Variants in HTR1F observed in about 807,000 individuals in gnomAD.
HTR1F encodes the protein 5-hydroxytryptamine receptor 1F.
Under a neutral mutation model 24.0 loss-of-function variants are expected in HTR1F, and 17 were observed. That is an observed-to-expected ratio of 0.71 (90% CI 0.48 to 1.06). HTR1F has a LOEUF of 1.06. Among genes scored for constraint, HTR1F ranks in the 50% least tolerant of loss-of-function variants. The pLI is 0.00. For synonymous variants in HTR1F, 186 were observed against 156.8 expected (o/e 1.19, Z -1.39); for missense variants, 391 against 427.8 (o/e 0.91, Z 0.76).
chr3:87,856,533 C>G (rs889436096), intron 2 of HTR1F, among the ~76,000 whole-genome samples: 18 of 152,046 alleles, frequency 1.2e-4, no homozygotes, highest in African/African-American at 4.3e-4. Flanking sequence ...ATAGCTTATA[C>G]TTACTTGTCT....
intron 2 of HTR1F, among the ~76,000 whole-genome samples, chr3:87,848,950 A>G (rs1705012798): frequency 6.6e-6 from 1 of 151,586 alleles, no homozygotes; most frequent in Non-Finnish European, 1.5e-5. Context: ...GCTCAATGAA[A>G]TAAAAGAGGA....
At chr3:87,980,171 G>T (rs1705510553) in intron 2 of HTR1F, among the ~76,000 whole-genome samples, 1 of 152,214 alleles carries the variant, frequency 6.6e-6, no homozygotes, top group Non-Finnish European at 1.5e-5. Flanking sequence ...GACAACTGGA[G>T]AGTGAACAAG....
chr3:87,920,903 TCTAA>T lies in HTR1F; in HGVS notation c.-42-69800_-42-69797del, dbSNP rs578003950. 2.1e-3 allele frequency among the ~76,000 whole-genome samples: 321 copies of T among 152,144 alleles called. 1 individual carries two copies. In the South Asian group the frequency reaches 0.03, roughly 14 times the overall value. ...AAGTTTTTTTAAAAAATATACTTTTTCTAACTAAGATGATACTATGTCCTCTTGC... is the reference window on the plus strand; with the variant it reads ...AAGTTTTTTTAAAAAATATACTTTTTCTAAGATGATACTATGTCCTCTTGC... On this transcript the variant is annotated intron_variant, in intron 2 of 2. Coordinates refer to ENST00000319595, the MANE Select transcript of HTR1F (RefSeq NM_001322209.2).
At chr3:87,872,887 T>G (rs769336116) in intron 2 of HTR1F, among the ~76,000 whole-genome samples, 5 of 151,984 alleles carry the variant, frequency 3.3e-5, no homozygotes, top group African/African-American at 1.2e-4. Context: ...CACCAATCCT[T>G]CTCTAACTCT....
At chr3:87,945,270 C>A (rs1299477168) in intron 2 of HTR1F, among the ~76,000 whole-genome samples, 4 of 152,084 alleles carry the variant, frequency 2.6e-5, no homozygotes, top group Non-Finnish European at 5.9e-5. Context: ...GGATAAGACT[C>A]CCTGGGTTTA....
intron 2 of HTR1F, among the ~76,000 whole-genome samples, chr3:87,983,671 GCC>G (rs1705600332): frequency 6.6e-6 from 1 of 151,974 alleles, no homozygotes; most frequent in Non-Finnish European, 1.5e-5. Flanking sequence ...TTTTCCCTTG[GCC>G]TCTGACCCCA....
chr3:87,818,790 T>G (rs1021152088), intron 1 of HTR1F, among the ~76,000 whole-genome samples: 1 of 152,178 alleles, frequency 6.6e-6, no homozygotes, highest in African/African-American at 2.4e-5. Flanking sequence ...GGCAAGTGCT[T>G]CTTTAACTTT....
intron 1 of HTR1F, among the ~76,000 whole-genome samples, chr3:87,795,456 C>T (rs961283985): frequency 2.6e-5 from 4 of 152,128 alleles, no homozygotes; most frequent in South Asian, 2.1e-4. Flanking sequence ...ATGGACATAG[C>T]GATATTTGCA....
intron 2 of HTR1F, among the ~76,000 whole-genome samples, chr3:87,987,305 T>C (rs1254478440): frequency 6.6e-6 from 1 of 151,998 alleles, no homozygotes; most frequent in Non-Finnish European, 1.5e-5. Context: ...ATACATCTTG[T>C]TGGTTTTGAA....
chr3:87,984,807 T>G (rs1160586454), intron 2 of HTR1F, among the ~76,000 whole-genome samples: 2 of 151,888 alleles, frequency 1.3e-5, no homozygotes, highest in East Asian at 3.9e-4. Flanking sequence ...AAAATAACAC[T>G]CACTAAAAAA....
chr3:87,831,803 G>A (rs901123181), intron 2 of HTR1F, among the ~76,000 whole-genome samples: 7 of 152,120 alleles, frequency 4.6e-5, no homozygotes, highest in Admixed American at 6.6e-5. Context: ...CAGCCTTGCC[G>A]TCTGATTGGT....
At chr3:87,981,385 G>A (rs1705539936) in intron 2 of HTR1F, among the ~76,000 whole-genome samples, 1 of 152,126 alleles carries the variant, frequency 6.6e-6, no homozygotes, top group East Asian at 1.9e-4. Context: ...AGTAAAGACA[G>A]GGTTTCACCG....
intron 1 of HTR1F, chr3:87,793,197 C>T (rs1279182061): frequency 1.3e-5 from 2 of 152,418 alleles, no homozygotes; most frequent in Admixed American, 6.5e-5. Context: ...AGGGCGCAGG[C>T]TCCTGGCGCT....
chr3:87,945,016 GGTT>G (rs1704661205), intron 2 of HTR1F, among the ~76,000 whole-genome samples: 1 of 147,870 alleles, frequency 6.8e-6, no homozygotes, highest in Admixed American at 6.7e-5. Flanking sequence ...AGGGCACACT[GGTT>G]GTTTTGTTTT....
chr3:87,988,432 A>G (rs1363060519), intron 2 of HTR1F, among the ~76,000 whole-genome samples: 1 of 152,224 alleles, frequency 6.6e-6, no homozygotes, highest in African/African-American at 2.4e-5. Context: ...GCTTAACAGC[A>G]CTTGCCTTCA....
chr3:87,834,848 C>G (rs753203580), intron 2 of HTR1F, among the ~76,000 whole-genome samples: 1 of 152,118 alleles, frequency 6.6e-6, no homozygotes, highest in Non-Finnish European at 1.5e-5. Flanking sequence ...CAGCCATGCT[C>G]ATTTGTTTAG....
intron 2 of HTR1F, among the ~76,000 whole-genome samples, chr3:87,959,263 A>C (rs1705009875): frequency 6.6e-6 from 1 of 151,766 alleles, no homozygotes; most frequent in South Asian, 2.1e-4. Context: ...TAGTACCTAA[A>C]TGCTAGTATT....
At chr3:87,896,889 T>C (rs1423841553) in intron 2 of HTR1F, among the ~76,000 whole-genome samples, 1 of 152,126 alleles carries the variant, frequency 6.6e-6, no homozygotes, top group Admixed American at 6.6e-5. Context: ...AGGATAGCTG[T>C]TATCAAAAAG....
chr3:87,913,587 C>A (rs570681675), intron 2 of HTR1F, among the ~76,000 whole-genome samples: 1 of 152,056 alleles, frequency 6.6e-6, no homozygotes, highest in African/African-American at 2.4e-5. Context: ...TGGATATATA[C>A]CCAAAGAAAT....
Sources: allele counts gnomAD v4.1 joint callset (sites outside exome capture counted in the v4.1 genomes callset), GRCh38; gene constraint gnomAD v4.1.1; transcripts MANE v1.5; gene names NCBI Gene and HGNC (gene_info 2026-07-23, HGNC 2026-07-21).